The following ACCSL variants were observed in gnomAD, a reference collection of about 807,000 sequenced individuals.
ACCSL encodes the protein probable inactive 1-aminocyclopropane-1-carboxylate synthase-like protein 2.
Under a neutral mutation model 61.7 loss-of-function variants are expected in ACCSL, and 55 were observed. The ratio of observed to expected loss-of-function variants is 0.89; its 90% CI spans 0.72 to 1.12. The LOEUF is 1.12. Ranked by LOEUF, ACCSL falls within the 50% of genes most tolerant of loss-of-function variation. ACCSL has a pLI of 0.00. For synonymous variants in ACCSL, 258 were observed against 264.3 expected, an observed-to-expected ratio of 0.98 and a Z score of 0.23; for missense variants, 632 against 698.0, an observed-to-expected ratio of 0.91 and a Z score of 1.07.
the ACCSL span, among the ~76,000 whole-genome samples, chr11:43,970,252 C>T: frequency 1.3e-5 from 2 of 152,152 alleles, no homozygotes; most frequent in Non-Finnish European, 2.9e-5. Flanking sequence ...GTCTCTCAGG[C>T]TGGAGTGCAG....
At chr11:43,945,513 C>G in the ACCSL span, 90 of 152,174 alleles carry the variant, frequency 5.9e-4, no homozygotes, top group African/African-American at 2.0e-3. Context: ...CCCTTCAGGC[C>G]TGAGATCCTC....
At chr11:44,038,043 G>A in the ACCSL span, among the ~76,000 whole-genome samples, 1 of 152,172 alleles carries the variant, frequency 6.6e-6, no homozygotes, top group Admixed American at 6.6e-5. Flanking sequence ...ACCTTCTAGA[G>A]AAGGGGACTG....
chr11:43,926,164 A>T, the ACCSL span, among the ~76,000 whole-genome samples: 1 of 152,140 alleles, frequency 6.6e-6, no homozygotes, highest in Non-Finnish European at 1.5e-5. Context: ...AGCTGCACTT[A>T]AGTCCCCCTC....
chr11:44,023,217 A>G, the ACCSL span, among the ~76,000 whole-genome samples: 1 of 151,642 alleles, frequency 6.6e-6, no homozygotes, highest in Non-Finnish European at 1.5e-5. Flanking sequence ...ATGCTCAGCT[A>G]CTTTTTTATA....
the ACCSL span, among the ~76,000 whole-genome samples, chr11:43,980,162 G>T: frequency 2.0e-5 from 3 of 152,094 alleles, no homozygotes; most frequent in Non-Finnish European, 4.4e-5. Context: ...TAGCTGCCTA[G>T]AATTCTGTTG....
chr11:43,934,893 T>C, the ACCSL span, among the ~76,000 whole-genome samples: 3 of 151,982 alleles, frequency 2.0e-5, no homozygotes, highest in Non-Finnish European at 4.4e-5. Flanking sequence ...GAAGAACTGG[T>C]GGTTGCTTTT....
chr11:43,964,600 C>T, the ACCSL span, among the ~76,000 whole-genome samples: 1 of 152,138 alleles, frequency 6.6e-6, no homozygotes, highest in African/African-American at 2.4e-5. Context: ...CTTTCCGACT[C>T]ATTCTATGAG....
chr11:44,043,679 T>C (rs900036354), upstream of ACCSL, among the ~76,000 whole-genome samples: 7 of 152,226 alleles, frequency 4.6e-5, no homozygotes, highest in Non-Finnish European at 8.8e-5. Flanking sequence ...TCCAAAAAAA[T>C]ACATCTGTGT....
At chr11:44,036,035 C>T in the ACCSL span, among the ~76,000 whole-genome samples, 34,954 of 151,336 alleles carry the variant, frequency 0.23, 4,288 homozygotes, top group East Asian at 0.4. Flanking sequence ...AAGGGGAGAA[C>T]TTCAGTGCCC....
chr11:44,022,640 G>A, the ACCSL span, among the ~76,000 whole-genome samples: 2 of 151,986 alleles, frequency 1.3e-5, no homozygotes, highest in Admixed American at 1.3e-4. Flanking sequence ...GGCTTACATT[G>A]ATTGATTTTT....
At chr11:44,048,721 T>G (rs1565157885) in intron 1 of ACCSL, among the ~76,000 whole-genome samples, 181 bp downstream of exon 1, 1 of 152,030 alleles carries the variant, frequency 6.6e-6, no homozygotes, top group South Asian at 2.1e-4. Context: ...CCCAGAAAGT[T>G]AGAGAACTCC....
intron 9 of ACCSL, 65 bp downstream of exon 9, chr11:44,055,356 T>C (rs1952665138): frequency 3.0e-6 from 4 of 1,312,070 alleles, no homozygotes; most frequent in Non-Finnish European, 4.4e-6. Context: ...AGGGTGAGTT[T>C]ATGTGACATG....
In ACCSL at chr11:44,053,043, A is replaced by G. The variant is rs1226980784; in HGVS notation, c.923A>G (p.Glu308Gly). ...CAGCTCACTGTGGACAAGTTAGAGG[A>G]AGCCCTGCTTGAAGCTAGGCTTGAG... The part of the protein sequence containing the change: ...PFQLTVDKLE[E>G]ALLEARLEGK... Residue 308 changes from glutamate to glycine, a missense_variant, in exon 7 of 14, where the codon GAA (glutamate) becomes GGA (glycine). Transcript: ENST00000378832. 6.2e-7 allele frequency: 1 copy of G among 1,614,082 alleles called. No individual in the cohort carries two copies. The highest frequency in any genetic ancestry group is 1.7e-5 in the Admixed American group (1 of 60,010).
chr11:43,962,363 G>A, the ACCSL span, among the ~76,000 whole-genome samples: 1 of 152,228 alleles, frequency 6.6e-6, no homozygotes, highest in Admixed American at 6.5e-5. Context: ...GAGCTGAAAG[G>A]TTAGTGAGTA....
rs755048760 is a variant in ACCSL, at chr11:44,056,043, G to T, written c.1143G>T (p.Leu381Phe). ...AATTTTTCCACTTCTTCTTCAGTTT[G>T]CCTGATAGCAACAGGACCCATGTGA... is the stretch of plus-strand genomic sequence containing the variant. ...TFHSILSMKS[L>F]PDSNRTHVIW... Residue 381 changes from leucine to phenylalanine, a missense_variant, in exon 10 of 14, where the codon TTG becomes TTT. Physicochemically the swap from Leu to Phe is conservative, Grantham distance 22. Coordinates refer to ENST00000378832, the MANE Select transcript of ACCSL (RefSeq NM_001031854.2). 5.6e-6 allele frequency: 9 copies of T among 1,614,134 alleles called. No individual in the cohort carries two copies. The highest frequency in any genetic ancestry group is 6.8e-6 in the Non-Finnish European group (8 of 1,180,030).
the ACCSL span, among the ~76,000 whole-genome samples, chr11:43,953,046 T>G: frequency 6.6e-6 from 1 of 152,276 alleles, no homozygotes; most frequent in African/African-American, 2.4e-5. Context: ...TTTATTGTGG[T>G]TTTCCTATCC....
chr11:43,995,550 G>A, the ACCSL span: 1 of 152,292 alleles, frequency 6.6e-6, no homozygotes, highest in Non-Finnish European at 1.5e-5. Context: ...AGGACAGAGA[G>A]AGTATGTCCT....
At chr11:43,936,888 C>T in the ACCSL span, among the ~76,000 whole-genome samples, 2 of 152,230 alleles carry the variant, frequency 1.3e-5, no homozygotes, top group East Asian at 3.9e-4. Flanking sequence ...CCACCCCCCC[C>T]TCCTGCCCTC....
the ACCSL span, chr11:43,995,249 A>AT: frequency 6.6e-6 from 1 of 152,196 alleles, no homozygotes; most frequent in Non-Finnish European, 1.5e-5. Context: ...GACCCGCTCA[A>AT]TAGACACACA....
Sources: gnomAD v4.1 joint callset for allele counts (sites outside exome capture counted in the v4.1 genomes callset) on GRCh38, gnomAD v4.1.1 for gene constraint, MANE v1.5 for transcripts, NCBI Gene and HGNC (gene_info 2026-07-23, HGNC 2026-07-21) for gene names.